NOL8: variants seen among roughly 807,000 people sequenced by gnomAD.
NOL8 encodes the protein nucleolar protein Nop132.
NOL8 carries 93 observed loss-of-function variants against 116.1 expected under a neutral mutation model. The ratio of observed to expected loss-of-function variants is 0.80; its 90% CI spans 0.68 to 0.95. The LOEUF (loss-of-function observed/expected upper bound fraction) is 0.95. NOL8 is among the 40% of genes least tolerant of loss of function. The pLI is 0.00. For missense variants in NOL8, 1,291 were observed against 1,382.8 expected (o/e 0.93, Z 1.05); for synonymous variants, 419 against 469.0 (o/e 0.89, Z 1.38).
chr9:92,310,474 C>T, intron 9 of NOL8, 79 bp downstream of exon 9: 2 of 1,478,652 alleles, frequency 1.4e-6, no homozygotes, highest in South Asian at 2.6e-5. Flanking sequence ...TAAGGTCTGC[C>T]TGCATTTACC....
rs774881742 is a variant in NOL8 at position 92,315,563 on chromosome 9, T to G, written c.1062A>C (p.Leu354Phe). 3.1e-6 allele frequency: 5 copies of G among 1,612,442 alleles called. No homozygotes were observed. The highest frequency in any genetic ancestry group is 4.2e-6 in the Non-Finnish European group (5 of 1,179,398). The change falls in exon 7 of 17, where the codon TTA (leucine) becomes TTC (phenylalanine). Residue 354 changes from leucine to phenylalanine, a missense_variant. Transcript: ENST00000442668. Reference protein sequence around the residue: ...GVHKLHSLIGLGIKNRVSCHD... With the variant: ...GVHKLHSLIGFGIKNRVSCHD... ...GGCAAGAGACACGATTTTTGATACC[T>G]AAACCTATTAAAGAATGCAGTTTGT...
At chr9:92,304,570 G>A (rs1367848727) in intron 12 of NOL8, among the ~76,000 whole-genome samples, 1 of 152,102 alleles carries the variant, frequency 6.6e-6, no homozygotes, top group Non-Finnish European at 1.5e-5. Context: ...GTTCAATACG[G>A]ATTATCTGAA....
chr9:92,305,700 G>A lies in NOL8; in HGVS notation c.2903+53C>T, dbSNP rs1005542286. On this transcript the variant is annotated intron_variant, in intron 12 of 16. Transcript: ENST00000442668. The stretch of plus-strand genomic sequence containing the variant: ...TTCCTACCTACATTTTTAATTGTCT[G>A]AAATGAGATTAATTTACATGATCCT... 7.1e-6 allele frequency: 9 copies of A among 1,270,834 alleles called. No individual in the cohort carries two copies. In the African/African-American group the frequency reaches 1.3e-4, roughly 19 times the overall value. 78.7% of individuals were successfully genotyped at this position (1,270,834 alleles called of 1,614,324 possible).
chr9:92,305,174 C>T (rs1387155076), intron 12 of NOL8, among the ~76,000 whole-genome samples: 1 of 151,984 alleles, frequency 6.6e-6, no homozygotes, highest in Non-Finnish European at 1.5e-5. Flanking sequence ...CAGGATTATC[C>T]AAGTGGGCCC....
chr9:92,315,328 T>C lies in NOL8; in HGVS notation c.1297A>G (p.Asn433Asp), dbSNP rs1403139488. ...CCATGACTGAGGGCTGACTCTACAT[T>C]GCTTTTTCTTTTTTGTAGTTTAATA... is the stretch of plus-strand genomic sequence containing the variant. Reference protein sequence around the residue: ...HCIKLQKRKSNVESALSHGLK... With the variant: ...HCIKLQKRKSDVESALSHGLK... Residue 433 changes from asparagine to aspartate, a missense_variant, in exon 7 of 17, where the codon AAT becomes GAT. Asn to Asp is a conservative substitution (Grantham distance 23). Coordinates refer to ENST00000442668, the MANE Select transcript of NOL8 (RefSeq NM_017948.6). The C allele has an allele frequency of 6.2e-7, 1 of 1,613,604 alleles. No homozygotes were observed.
At chr9:92,321,771 G>T in intron 3 of NOL8, 25 bp from the exon 4 acceptor site, 1 of 1,093,042 alleles carries the variant, frequency 9.1e-7, no homozygotes, top group Non-Finnish European at 1.3e-6. Context: ...ATTATTACAA[G>T]TACATGGCAA....
At chr9:92,317,407 G>A (rs533295256) in intron 6 of NOL8, among the ~76,000 whole-genome samples, 1 of 152,344 alleles carries the variant, frequency 6.6e-6, no homozygotes, top group South Asian at 2.1e-4. Context: ...GTGGAAAGCT[G>A]GAAAGTGGAA....
intron 11 of NOL8, 89 bp from the exon 12 acceptor site, chr9:92,305,919 A>T: frequency 1.2e-6 from 1 of 821,100 alleles, no homozygotes; most frequent in Non-Finnish European, 2.0e-6. Context: ...CAGCACTAGG[A>T]AGATTCTAAT....
chr9:92,305,925 C>T (rs1479802991), intron 11 of NOL8, 95 bp from the exon 12 acceptor site: 2 of 782,182 alleles, frequency 2.6e-6, no homozygotes, highest in Non-Finnish European at 4.3e-6. Context: ...TAGGAAGATT[C>T]TAATTTTGCA....
chr9:92,323,209 G>T, intron 3 of NOL8: 1 of 1,175,764 alleles, frequency 8.5e-7, no homozygotes, highest in African/African-American at 1.6e-5. Context: ...CAAAATATTT[G>T]AGAATAGCAG....
chr9:92,319,131 C>T (rs1248266962), intron 5 of NOL8, 90 bp downstream of exon 5: 2 of 1,367,976 alleles, frequency 1.5e-6, no homozygotes, highest in Admixed American at 2.7e-5. Context: ...AAAAGAGTAA[C>T]TGGTTTTAGA....
intron 5 of NOL8, 113 bp from the exon 6 acceptor site, chr9:92,318,799 T>C (rs1839660529): frequency 1.5e-6 from 1 of 648,352 alleles, no homozygotes; most frequent in East Asian, 3.0e-5. Flanking sequence ...TACTGTTGGG[T>C]TTAGTTTTCT....
rs1839249097 is a variant in NOL8, at chr9:92,315,075, C to A, written c.1550G>T (p.Cys517Phe). 6.2e-7 allele frequency: 1 copy of A among 1,613,910 alleles called. No homozygotes were observed. Among genetic ancestry groups the A allele is most frequent in the Admixed American group, 1.7e-5 (1 of 59,990 alleles). The part of the protein sequence containing the change: ...KSDGPETTTQ[C>F]KFDRGSKSPK... ...GCTCTTGGAGCCTCTGTCAAACTTG[C>A]ATTGGGTGGTGGTTTCTGGTCCATC... Residue 517 changes from cysteine to phenylalanine, a missense_variant, in exon 7 of 17, where the codon TGC becomes TTC. Physicochemically the swap from Cys to Phe is radical, Grantham distance 205. Transcript: ENST00000442668.
Position 92,314,878 on chromosome 9 carries a change from C to A in NOL8, c.1747G>T (p.Glu583Ter). 1 of 1,613,516 alleles carries A rather than the reference C, an allele frequency of 6.2e-7. No homozygotes were observed. The highest frequency in any genetic ancestry group is 8.5e-7 in the Non-Finnish European group (1 of 1,179,800). ...TCTTTCAAGGATTTTTTCATTGACT[C>A]CTTTTCATATAGACAGCCTACTCCC... Reference protein sequence around the residue: ...FKGVGCLYEKESMKKSLKDSV... With the variant: ...FKGVGCLYEK Residue 583 changes from glutamate (E) to a stop codon, truncating the protein, a stop_gained, in exon 7 of 17, where the codon GAG (glutamate) becomes TAG (stop). Transcript: ENST00000442668. LOFTEE classifies it high-confidence loss of function.
intron 10 of NOL8, 25 bp from the exon 11 acceptor site, chr9:92,307,049 ACT>A: frequency 6.3e-7 from 1 of 1,596,720 alleles, no homozygotes; most frequent in Non-Finnish European, 8.5e-7. Flanking sequence ...GATAATTAAT[ACT>A]CTCTTGGAAA....
chr9:92,303,147 G>T (rs1837897233), intron 12 of NOL8, among the ~76,000 whole-genome samples: 1 of 151,892 alleles, frequency 6.6e-6, no homozygotes, highest in Admixed American at 6.6e-5. Flanking sequence ...TTTTTAAAGG[G>T]AGCCAGGAAT....
chr9:92,297,685 A>G lies in NOL8; in HGVS notation c.*151T>C. On this transcript the variant is annotated 3_prime_UTR_variant, in exon 17 of 17. Transcript: ENST00000442668. ...AAGAAATGCAGAGGAGTTCCACAGA[A>G]AAAGATGGCAACCAGAATGATATTC... 1.6e-6 allele frequency: 1 copy of G among 614,192 alleles called. No homozygotes were observed. The allele number at this position is 614,192 out of a possible 1,614,324, so 38.0% of individuals were successfully genotyped here.
At position 92,323,413 on chromosome 9, in the gene NOL8, C is replaced by T. The variant is rs117334082; in HGVS notation, c.202+28G>A. 9.9e-5 allele frequency: 157 copies of T among 1,579,282 alleles called. 2 individuals are homozygous for T. In the East Asian group the frequency reaches 3.4e-3, roughly 35 times the overall value. On this transcript the variant is annotated intron_variant, in intron 3 of 16. Coordinates refer to ENST00000442668, the MANE Select transcript of NOL8 (RefSeq NM_017948.6). ...TTACAGAGTCATACAAACTGGCAAA[C>T]AGTATAGAAAATATATGATGATCTT...
chr9:92,306,805 A>C, intron 11 of NOL8, 81 bp downstream of exon 11: 2 of 1,373,498 alleles, frequency 1.5e-6, no homozygotes, highest in South Asian at 1.4e-5. Flanking sequence ...CCATTAAAAG[A>C]GACCTAGTTT....
Sources: gnomAD v4.1 joint callset for allele counts (sites outside exome capture counted in the v4.1 genomes callset) on GRCh38, gnomAD v4.1.1 for gene constraint, MANE v1.5 for transcripts, NCBI Gene and HGNC (gene_info 2026-07-23, HGNC 2026-07-21) for gene names.